The following UBE2E3 variants were observed in gnomAD, a reference collection of about 807,000 sequenced individuals.
UBE2E3 encodes the protein ubiquitin conjugating enzyme E2 E3.
A neutral mutation model predicts 23.6 loss-of-function variants in UBE2E3; 5 were observed. That is an observed-to-expected ratio of 0.21 (90% CI 0.11 to 0.44). The LOEUF (loss-of-function observed/expected upper bound fraction) is 0.44, where lower values mean the gene tolerates loss of function less well. UBE2E3 is among the 20% of genes least tolerant of loss of function. The probability of loss-of-function intolerance (pLI) is 0.99; values close to 1 mark genes in which losing one functional copy is unlikely to be tolerated. For synonymous variants in UBE2E3, 78 were observed against 87.5 expected (o/e 0.89, Z 0.60); for missense variants, 81 against 249.8 (o/e 0.32, Z 4.55).
chr2:181,053,111 C>T (rs903798108), intron 3 of UBE2E3, among the ~76,000 whole-genome samples: 2 of 151,654 alleles, frequency 1.3e-5, no homozygotes, highest in African/African-American at 4.8e-5. Flanking sequence ...TCTCTTTTCT[C>T]CTTGGTTTAT....
At chr2:181,000,212 A>G (rs1163472452) in intron 3 of UBE2E3, among the ~76,000 whole-genome samples, 2 of 152,214 alleles carry the variant, frequency 1.3e-5, no homozygotes, top group Admixed American at 6.5e-5. Context: ...CACCTCTTTA[A>G]AAAATCTATT....
chr2:181,008,466 A>G (rs1685217587), intron 3 of UBE2E3, among the ~76,000 whole-genome samples: 2 of 152,322 alleles, frequency 1.3e-5, no homozygotes, highest in East Asian at 1.9e-4. Context: ...CTAGTCTTGT[A>G]AATTGTTCTT....
chr2:181,035,383 T>A (rs902520967), intron 3 of UBE2E3, among the ~76,000 whole-genome samples: 1 of 152,186 alleles, frequency 6.6e-6, no homozygotes, highest in African/African-American at 2.4e-5. Context: ...AATGTTACCA[T>A]GTTCTTTATT....
At chr2:181,034,618 T>G (rs1027154864) in intron 3 of UBE2E3, among the ~76,000 whole-genome samples, 7 of 152,176 alleles carry the variant, frequency 4.6e-5, no homozygotes, top group Admixed American at 3.3e-4. Flanking sequence ...ATGGCACATG[T>G]ATACATATGT....
At position 180,983,394 on chromosome 2, in the gene UBE2E3, A is replaced by G. The variant is rs189048726; in HGVS notation, c.195-649A>G. ...TTTGAAATCATCTTAAATTTGAATC[A>G]AATCAGAGAACTGCTTTTCTCCCCC... On this transcript the variant is annotated intron_variant, in intron 2 of 5. Coordinates refer to ENST00000410062, the MANE Select transcript of UBE2E3 (RefSeq NM_006357.4). Among the ~76,000 whole-genome samples, 9 of 152,342 alleles carry G rather than the reference A, an allele frequency of 5.9e-5. No individual in the cohort carries two copies. The East Asian group carries it at 1.5e-3, about 26-fold the overall frequency.
At chr2:181,044,501 C>T (rs1251774092) in intron 3 of UBE2E3, among the ~76,000 whole-genome samples, 1 of 152,022 alleles carries the variant, frequency 6.6e-6, no homozygotes, top group Non-Finnish European at 1.5e-5. Flanking sequence ...CTAGAGGTGA[C>T]AGATAGAATG....
intron 3 of UBE2E3, 152 bp downstream of exon 3, chr2:180,984,245 A>G: frequency 1.8e-6 from 1 of 560,314 alleles, no homozygotes; most frequent in East Asian, 2.9e-5. Context: ...AAGGTGAACT[A>G]GATAAAATTG....
rs552735945 is a variant in UBE2E3, at chr2:181,025,871, C to G, written c.246-31822C>G. On this transcript the variant is annotated intron_variant, in intron 3 of 5. Coordinates refer to ENST00000410062, the MANE Select transcript of UBE2E3 (RefSeq NM_006357.4). ...TTGTTTTTAAAACTCTCTAAGATAG[C>G]TCTACTTTATATGGAAACAAATTTT... Among the ~76,000 whole-genome samples, 124 of 152,026 alleles carry G rather than the reference C, an allele frequency of 8.2e-4. 1 individual carries two copies. The highest frequency in any genetic ancestry group is 6.8e-3 in the South Asian group (33 of 4,830).
chr2:181,019,867 T>C (rs376408250), intron 3 of UBE2E3, among the ~76,000 whole-genome samples: 14 of 152,202 alleles, frequency 9.2e-5, no homozygotes, highest in Admixed American at 6.5e-5. Context: ...ATTTAAGATC[T>C]ACTTTCTCAG....
At chr2:181,024,581 G>C (rs1685818616) in intron 3 of UBE2E3, among the ~76,000 whole-genome samples, 1 of 152,028 alleles carries the variant, frequency 6.6e-6, no homozygotes, top group Admixed American at 6.6e-5. Context: ...TTATTAAGAT[G>C]TAATGGTGAT....
At chr2:181,003,928 T>A (rs1248437745) in intron 3 of UBE2E3, among the ~76,000 whole-genome samples, 1 of 152,214 alleles carries the variant, frequency 6.6e-6, no homozygotes, top group Non-Finnish European at 1.5e-5. Context: ...AAGAATAAAT[T>A]CTTCAGAAAT....
intron 3 of UBE2E3, among the ~76,000 whole-genome samples, chr2:181,009,377 G>C (rs1685248519): frequency 6.6e-6 from 1 of 151,934 alleles, no homozygotes. Context: ...AATAAAAAAT[G>C]CAGTTTTTAC....
Position 181,005,310 on chromosome 2 carries a change from G to A in UBE2E3, c.245+21217G>A, listed in dbSNP as rs138215221. Among the ~76,000 whole-genome samples, 460 of 152,260 alleles carry A rather than the reference G, an allele frequency of 3.0e-3. 4 individuals are homozygous for A. The highest frequency in any genetic ancestry group is 0.011 in the African/African-American group (440 of 41,552). ...AGATTGAGATGCAGTGTGAAATAGC[G>A]TGAATCTTGGCCCCAGTTTTTTCAT... is the stretch of plus-strand genomic sequence containing the variant. On this transcript the variant is annotated intron_variant, in intron 3 of 5. Transcript: ENST00000410062.
intron 3 of UBE2E3, among the ~76,000 whole-genome samples, chr2:181,007,654 G>A (rs956550265): frequency 5.3e-5 from 8 of 152,252 alleles, no homozygotes; most frequent in African/African-American, 1.9e-4. Flanking sequence ...AAGGGGCAGT[G>A]TGTCAATGTA....
chr2:181,046,989 A>G (rs1686690341), intron 3 of UBE2E3, among the ~76,000 whole-genome samples: 1 of 152,140 alleles, frequency 6.6e-6, no homozygotes, highest in Non-Finnish European at 1.5e-5. Context: ...ACTACAGAGC[A>G]CCACATCCTT....
chr2:181,014,128 G>A lies in UBE2E3; in HGVS notation c.245+30035G>A, dbSNP rs543335370. Among the ~76,000 whole-genome samples the A allele has an allele frequency of 9.8e-5, 15 of 152,298 alleles. No individual in the cohort carries two copies. The South Asian group carries it at 2.9e-3, about 29-fold the overall frequency. ...CAGGGATGATGCCCATGTTTCTGACGTAAGTATTAAATGCAGTGCCATATT... is the reference window on the plus strand; with the variant it reads ...CAGGGATGATGCCCATGTTTCTGACATAAGTATTAAATGCAGTGCCATATT... On this transcript the variant is annotated intron_variant, in intron 3 of 5. Transcript: ENST00000410062.
chr2:181,002,811 G>A (rs1184085179), intron 3 of UBE2E3, among the ~76,000 whole-genome samples: 2 of 152,108 alleles, frequency 1.3e-5, no homozygotes, highest in African/African-American at 4.8e-5. Context: ...ACTTATCTTC[G>A]ATTATCTTTT....
intron 3 of UBE2E3, among the ~76,000 whole-genome samples, chr2:180,986,340 G>A (rs1241748459): frequency 6.6e-6 from 1 of 152,166 alleles, no homozygotes; most frequent in Admixed American, 6.5e-5. Flanking sequence ...TGCCTCACAT[G>A]TAAAATATCC....
intron 3 of UBE2E3, among the ~76,000 whole-genome samples, chr2:181,034,739 T>A (rs1253797500): frequency 1.3e-5 from 2 of 152,308 alleles, no homozygotes; most frequent in East Asian, 3.9e-4. Context: ...ATGTCCAGCT[T>A]AAAGTTTAGT....
Sources: gnomAD v4.1 joint callset for allele counts (sites outside exome capture counted in the v4.1 genomes callset) on GRCh38, gnomAD v4.1.1 for gene constraint, MANE v1.5 for transcripts, NCBI Gene and HGNC (gene_info 2026-07-23, HGNC 2026-07-21) for gene names.